Variants in SPMAP2L observed in about 807,000 individuals in gnomAD.
SPMAP2L encodes sperm microtubule associated protein 2 like.
the SPMAP2L span, among the ~76,000 whole-genome samples, chr4:56,585,800 C>T: frequency 0.089 from 13,560 of 152,160 alleles, 782 homozygotes; most frequent in East Asian, 0.24. Context: ...TTCTGTTTTG[C>T]CACTGCACGC....
the SPMAP2L span, chr4:56,548,790 C>T: frequency 1.3e-6 from 2 of 1,490,688 alleles, no homozygotes; most frequent in Non-Finnish European, 1.8e-6. Flanking sequence ...TTTCTTTTAG[C>T]AAATCCTGTT....
chr4:56,591,047 C>T, the SPMAP2L span, among the ~76,000 whole-genome samples: 1 of 151,998 alleles, frequency 6.6e-6, no homozygotes, highest in African/African-American at 2.4e-5. Flanking sequence ...ATAAATGATT[C>T]AATATGTTAT....
the SPMAP2L span, among the ~76,000 whole-genome samples, chr4:56,624,494 C>T: frequency 6.6e-6 from 1 of 152,190 alleles, no homozygotes; most frequent in African/African-American, 2.4e-5. Context: ...ACCTTCATGG[C>T]AGCCCCTCCC....
At chr4:56,621,470 A>T in the SPMAP2L span, among the ~76,000 whole-genome samples, 1 of 152,186 alleles carries the variant, frequency 6.6e-6, no homozygotes, top group East Asian at 1.9e-4. Flanking sequence ...TTGAGCAAAC[A>T]TCTCATAACT....
chr4:56,623,388 A>C, the SPMAP2L span, among the ~76,000 whole-genome samples: 1 of 152,220 alleles, frequency 6.6e-6, no homozygotes, highest in East Asian at 1.9e-4. Flanking sequence ...GCAAAAAAAC[A>C]CTTTCAAGCT....
At chr4:56,595,473 C>T in the SPMAP2L span, 7 of 1,597,762 alleles carry the variant, frequency 4.4e-6, no homozygotes, top group African/African-American at 8.0e-5. Flanking sequence ...GCCGCATCGA[C>T]CCCAGGGTCA....
At chr4:56,558,437 A>G in the SPMAP2L span, among the ~76,000 whole-genome samples, 1 of 152,198 alleles carries the variant, frequency 6.6e-6, no homozygotes, top group East Asian at 1.9e-4. Context: ...TTATTTTATT[A>G]AAAAAATATT....
the SPMAP2L span, among the ~76,000 whole-genome samples, chr4:56,543,990 G>C: frequency 0.02 from 2,964 of 149,670 alleles, 148 homozygotes; most frequent in African/African-American, 0.069. Flanking sequence ...GAGAGAGAGA[G>C]AGAGAGAGAG....
chr4:56,566,695 C>CTTTTTTTTTTTT, the SPMAP2L span, among the ~76,000 whole-genome samples: 196 of 92,416 alleles, frequency 2.1e-3, no homozygotes, highest in Non-Finnish European at 2.9e-3. Context: ...TTTTCTTTTT[C>CTTTTTTTTTTTT]TTTTTTTTTT....
chr4:56,584,593 C>T, the SPMAP2L span: 4 of 1,534,966 alleles, frequency 2.6e-6, no homozygotes, highest in Admixed American at 3.9e-5. Context: ...CAGACCCAAA[C>T]TATCATCCTT....
At chr4:56,548,072 A>G in the SPMAP2L span, among the ~76,000 whole-genome samples, 5 of 152,240 alleles carry the variant, frequency 3.3e-5, no homozygotes, top group African/African-American at 1.2e-4. Context: ...TTCATAAAAT[A>G]TACTAATTTA....
the SPMAP2L span, among the ~76,000 whole-genome samples, chr4:56,558,204 G>A: frequency 6.6e-6 from 1 of 152,120 alleles, no homozygotes; most frequent in Admixed American, 6.6e-5. Flanking sequence ...CTGATCGCAG[G>A]TGATCCACCT....
At chr4:56,589,134 G>A in the SPMAP2L span, among the ~76,000 whole-genome samples, 11 of 151,856 alleles carry the variant, frequency 7.2e-5, no homozygotes, top group East Asian at 7.8e-4. Context: ...GATTACAGGC[G>A]CCCACCACCA....
chr4:56,567,900 G>T, the SPMAP2L span, among the ~76,000 whole-genome samples: 1 of 151,710 alleles, frequency 6.6e-6, no homozygotes, highest in East Asian at 1.9e-4. Flanking sequence ...CATCTAATTT[G>T]GAAAACTTTC....
At chr4:56,549,795 G>C in the SPMAP2L span, among the ~76,000 whole-genome samples, 1 of 152,214 alleles carries the variant, frequency 6.6e-6, no homozygotes, top group Non-Finnish European at 1.5e-5. Context: ...TTCAGGCTAT[G>C]TGTGTAAGAT....
chr4:56,545,856 G>A, the SPMAP2L span, among the ~76,000 whole-genome samples: 5 of 152,166 alleles, frequency 3.3e-5, no homozygotes, highest in Non-Finnish European at 7.4e-5. Context: ...GCAATGGCAT[G>A]ATCTCGGCTC....
chr4:56,576,455 G>A, the SPMAP2L span, among the ~76,000 whole-genome samples: 89 of 152,278 alleles, frequency 5.8e-4, no homozygotes, highest in African/African-American at 2.0e-3. Context: ...GGCAGCAGAC[G>A]TCAGCTTAGT....
chr4:56,588,207 G>A, the SPMAP2L span, among the ~76,000 whole-genome samples: 1,034 of 152,268 alleles, frequency 6.8e-3, 13 homozygotes, highest in African/African-American at 0.023. Context: ...TGTAGATTCT[G>A]CATATTAGTC....
chr4:56,590,963 A>G, the SPMAP2L span, among the ~76,000 whole-genome samples: 1 of 152,220 alleles, frequency 6.6e-6, no homozygotes, highest in African/African-American at 2.4e-5. Context: ...AAACTTAAAT[A>G]AATTAATGAA....
Sources: gnomAD v4.1 joint callset for allele counts (sites outside exome capture counted in the v4.1 genomes callset) on GRCh38, gnomAD v4.1.1 for gene constraint, MANE v1.5 for transcripts, NCBI Gene and HGNC (gene_info 2026-07-23, HGNC 2026-07-21) for gene names.